Variants in MYO10 observed in about 807,000 individuals in gnomAD.
MYO10 encodes myosin X.
Under a neutral mutation model 257.3 loss-of-function variants are expected in MYO10, and 133 were observed. That is an observed-to-expected ratio of 0.52 (90% confidence interval 0.45 to 0.60). The LOEUF (loss-of-function observed/expected upper bound fraction) is 0.60. MYO10 is among the 20% of genes least tolerant of loss of function. MYO10 has a pLI of 0.00. For missense variants in MYO10, 2,399 were observed against 2,635.7 expected (o/e 0.91, Z 1.97); for synonymous variants, 1,104 against 1,028.6 (o/e 1.07, Z -1.40).
chr5:16,745,197 G>A (rs1304295608), intron 19 of MYO10, among the ~76,000 whole-genome samples: 2 of 152,194 alleles, frequency 1.3e-5, no homozygotes, highest in Non-Finnish European at 2.9e-5. Context: ...AAAATTAGCT[G>A]GGAGTGGTGG....
chr5:16,671,831 G>A (rs73047157), intron 37 of MYO10, among the ~76,000 whole-genome samples: 164 of 152,234 alleles, frequency 1.1e-3, no homozygotes, highest in African/African-American at 3.8e-3. Context: ...CTGAGTCCAC[G>A]GGAAGAAAAG....
chr5:16,864,524 G>C (rs115718979), intron 2 of MYO10, among the ~76,000 whole-genome samples: 1 of 152,128 alleles, frequency 6.6e-6, no homozygotes, highest in Non-Finnish European at 1.5e-5. Flanking sequence ...ATTTGCGTTC[G>C]TGCATTTATC....
intron 19 of MYO10, among the ~76,000 whole-genome samples, chr5:16,730,223 G>A (rs1431155468): frequency 6.6e-6 from 1 of 152,212 alleles, no homozygotes; most frequent in Non-Finnish European, 1.5e-5. Flanking sequence ...TCCTGACCCT[G>A]TGGAGCCTCT....
chr5:16,772,651 C>G (rs1365229219), intron 9 of MYO10, among the ~76,000 whole-genome samples: 1 of 152,178 alleles, frequency 6.6e-6, no homozygotes, highest in Non-Finnish European at 1.5e-5. Flanking sequence ...ACATTCTATT[C>G]TATCATGTCT....
chr5:16,688,072 T>G (rs1737328936), intron 28 of MYO10, among the ~76,000 whole-genome samples: 1 of 152,220 alleles, frequency 6.6e-6, no homozygotes, highest in Non-Finnish European at 1.5e-5. Flanking sequence ...CATCGTGGCA[T>G]AAAACAGACA....
intron 19 of MYO10, among the ~76,000 whole-genome samples, chr5:16,724,221 C>T (rs1739266524): frequency 6.6e-6 from 1 of 152,184 alleles, no homozygotes; most frequent in African/African-American, 2.4e-5. Flanking sequence ...GCATAAAGAA[C>T]TGCATTTCAG....
intron 3 of MYO10, among the ~76,000 whole-genome samples, chr5:16,813,233 T>C (rs1210045104): frequency 6.6e-6 from 1 of 151,682 alleles, no homozygotes; most frequent in Non-Finnish European, 1.5e-5. Flanking sequence ...CAAAGGAGAG[T>C]ACCTGGCTGG....
chr5:16,879,321 C>T lies in MYO10; in HGVS notation c.22-1614G>A, dbSNP rs568322285. Among the ~76,000 whole-genome samples the T allele has an allele frequency of 3.0e-4, 46 of 152,286 alleles. No individual in the cohort carries two copies. In the South Asian group the frequency reaches 5.6e-3, roughly 19 times the overall value. ...AATATGCTGGTTATGGTATGTTCCA[C>T]TTCTAGTTCAAGGAGGTAGTACTGC... On this transcript the variant is annotated intron_variant, in intron 1 of 40. Transcript: ENST00000513610.
At chr5:16,718,917 G>A (rs937854470) in intron 19 of MYO10, among the ~76,000 whole-genome samples, 34 of 152,168 alleles carry the variant, frequency 2.2e-4, no homozygotes, top group African/African-American at 6.5e-4. Flanking sequence ...GATTGTAAAC[G>A]CGCCAATCAG....
At chr5:16,728,198 CCT>C (rs1184531234) in intron 19 of MYO10, among the ~76,000 whole-genome samples, 1 of 152,178 alleles carries the variant, frequency 6.6e-6, no homozygotes, top group Non-Finnish European at 1.5e-5. Flanking sequence ...GCTCCAACTT[CCT>C]CTCTCTCAAT....
intron 1 of MYO10, among the ~76,000 whole-genome samples, chr5:16,878,758 G>A (rs191316093): frequency 3.3e-5 from 5 of 152,214 alleles, no homozygotes; most frequent in South Asian, 2.1e-4. Flanking sequence ...ATACGTTCTC[G>A]CTTATAAGTG....
intron 3 of MYO10, among the ~76,000 whole-genome samples, chr5:16,797,599 T>C (rs769722818): frequency 4.6e-5 from 7 of 152,194 alleles, no homozygotes; most frequent in Non-Finnish European, 7.3e-5. Flanking sequence ...GATGAATGGA[T>C]GTGGCATACC....
intron 1 of MYO10, among the ~76,000 whole-genome samples, chr5:16,891,166 G>C (rs1415255172): frequency 4.6e-5 from 7 of 151,672 alleles, no homozygotes; most frequent in Admixed American, 4.6e-4. Context: ...GCAGGTGCCT[G>C]TAATCCCAGC....
At chr5:16,869,094 G>A (rs1333401867) in intron 2 of MYO10, among the ~76,000 whole-genome samples, 1 of 151,940 alleles carries the variant, frequency 6.6e-6, no homozygotes, top group Non-Finnish European at 1.5e-5. Flanking sequence ...GCGCCATTGC[G>A]GCTCACTGCA....
chr5:16,668,305 T>G lies in MYO10; in HGVS notation c.6047A>C (p.Glu2016Ala), dbSNP rs768346544. The G allele has an allele frequency of 6.2e-7, 1 of 1,613,338 alleles. No individual in the cohort carries two copies. Among genetic ancestry groups the G allele is most frequent in the East Asian group, 2.2e-5 (1 of 44,874 alleles). Reference sequence around the variant, plus strand: ...ACTGGTTTCAAAGAGCAGCTCCCTCTCATCGACCACGATCTTATACGTATT... The same window carrying G: ...ACTGGTTTCAAAGAGCAGCTCCCTCGCATCGACCACGATCTTATACGTATT... The part of the protein sequence containing the change: ...LANTYKIVVD[E>A]RELLFETSEV... Residue 2016 changes from glutamate to alanine, a missense_variant, in exon 40 of 41, where the codon GAG (glutamate) becomes GCG (alanine). By Grantham distance (107) the Glu-to-Ala change is moderately radical (BLOSUM62 -1). This residue lies in a region of MYO10 where 1,820 missense variants were observed against 1,939.4 expected (regional missense o/e 0.94). Coordinates refer to ENST00000513610, the MANE Select transcript of MYO10 (RefSeq NM_012334.3).
At chr5:16,738,355 T>C (rs1739888200) in intron 19 of MYO10, 1 of 985,238 alleles carries the variant, frequency 1.0e-6, no homozygotes, top group South Asian at 4.7e-5. Flanking sequence ...CTGTGCTGGC[T>C]GGGAAGCTTC....
chr5:16,821,627 C>T (rs974999258), intron 2 of MYO10, among the ~76,000 whole-genome samples: 2 of 150,778 alleles, frequency 1.3e-5, no homozygotes, highest in Non-Finnish European at 2.9e-5. Context: ...CCACCACGCC[C>T]AGCTAATTTT....
intron 1 of MYO10, among the ~76,000 whole-genome samples, chr5:16,918,453 G>A (rs537758480): frequency 5.2e-4 from 79 of 151,782 alleles, no homozygotes; most frequent in Admixed American, 8.5e-4. Flanking sequence ...CATTCCACAC[G>A]GATGCTCCCT....
chr5:16,872,250 A>G (rs2126757093), intron 2 of MYO10, among the ~76,000 whole-genome samples: 1 of 152,360 alleles, frequency 6.6e-6, no homozygotes, highest in South Asian at 2.1e-4. Flanking sequence ...AAGTATCTTG[A>G]GAGCCTTAGG....
Sources: gnomAD v4.1 joint callset for allele counts (sites outside exome capture counted in the v4.1 genomes callset) on GRCh38, gnomAD v4.1.1 for gene constraint, gnomAD v4.1.1 regional missense constraint, MANE v1.5 for transcripts, NCBI Gene and HGNC (gene_info 2026-07-23, HGNC 2026-07-21) for gene names.